The following AFF3 variants were observed in gnomAD, a reference collection of about 807,000 sequenced individuals.
AFF3 encodes the protein ALF transcription elongation factor 3.
A neutral mutation model predicts 129.7 loss-of-function variants in AFF3; 32 were observed. The ratio of observed to expected loss-of-function variants is 0.25; its 90% CI spans 0.19 to 0.33. The LOEUF (loss-of-function observed/expected upper bound fraction) is 0.33, where lower values mean the gene tolerates loss of function less well. Among genes scored for constraint, AFF3 ranks in the 10% least tolerant of loss-of-function variants. The probability of loss-of-function intolerance (pLI) is 1.00; values close to 1 mark genes in which losing one functional copy is unlikely to be tolerated. For missense variants in AFF3, 1,373 were observed against 1,592.0 expected, an observed-to-expected ratio of 0.86 and a Z score of 2.34; for synonymous variants, 644 against 635.4, an observed-to-expected ratio of 1.01 and a Z score of -0.20.
intron 8 of AFF3, among the ~76,000 whole-genome samples, chr2:99,799,059 A>G (rs1342286452): frequency 6.6e-6 from 1 of 152,098 alleles, no homozygotes; most frequent in Non-Finnish European, 1.5e-5. Flanking sequence ...TAAATTACAT[A>G]TCTATATGCC....
At chr2:99,876,322 A>G (rs1475371514) in intron 7 of AFF3, among the ~76,000 whole-genome samples, 1 of 152,160 alleles carries the variant, frequency 6.6e-6, no homozygotes, top group East Asian at 1.9e-4. Flanking sequence ...AAATGTCTCA[A>G]GCTGAACTCT....
At chr2:99,645,191 C>T (rs557357342) in intron 13 of AFF3, among the ~76,000 whole-genome samples, 2 of 152,176 alleles carry the variant, frequency 1.3e-5, no homozygotes, top group South Asian at 4.2e-4. Flanking sequence ...AAAGATTAGC[C>T]AGGCATGGTG....
chr2:99,811,743 C>A (rs577295871), intron 8 of AFF3, among the ~76,000 whole-genome samples: 1 of 152,378 alleles, frequency 6.6e-6, no homozygotes, highest in Non-Finnish European at 1.5e-5. Flanking sequence ...AGAATTTCTA[C>A]AGGTTGAGTC....
chr2:99,958,212 C>T (rs1676847649), intron 7 of AFF3, among the ~76,000 whole-genome samples: 1 of 152,178 alleles, frequency 6.6e-6, no homozygotes, highest in East Asian at 1.9e-4. Flanking sequence ...GGGATACAGG[C>T]AGGGCAACAG....
At chr2:99,627,238 GT>G (rs892643510) in intron 13 of AFF3, among the ~76,000 whole-genome samples, 7 of 149,842 alleles carry the variant, frequency 4.7e-5, no homozygotes, top group African/African-American at 9.8e-5. Context: ...GCTAACATCT[GT>G]TTTTTTTTGA....
At chr2:100,028,815 GA>G (rs1393133472) in intron 4 of AFF3, among the ~76,000 whole-genome samples, 1 of 152,184 alleles carries the variant, frequency 6.6e-6, no homozygotes, top group African/African-American at 2.4e-5. Context: ...ACTGCTGATG[GA>G]AATACAAAGT....
At chr2:99,575,672 G>A (rs1279102652) in intron 18 of AFF3, among the ~76,000 whole-genome samples, 5 of 152,100 alleles carry the variant, frequency 3.3e-5, no homozygotes, top group Non-Finnish European at 5.9e-5. Flanking sequence ...AAATCAGTTG[G>A]GACATATGGC....
chr2:99,873,913 G>A (rs1692071461), intron 7 of AFF3, among the ~76,000 whole-genome samples: 1 of 152,060 alleles, frequency 6.6e-6, no homozygotes, highest in Non-Finnish European at 1.5e-5. Context: ...GGTGGCTCAC[G>A]CCTGTAATCT....
intron 7 of AFF3, among the ~76,000 whole-genome samples, chr2:99,996,194 C>T (rs1211721762): frequency 1.3e-5 from 2 of 152,014 alleles, no homozygotes; most frequent in Admixed American, 6.6e-5. Context: ...TGAATGTTAC[C>T]AAAAACTGTA....
chr2:99,651,570 T>C (rs1685260169), intron 12 of AFF3, among the ~76,000 whole-genome samples: 1 of 152,074 alleles, frequency 6.6e-6, no homozygotes, highest in African/African-American at 2.4e-5. Context: ...GCCTCCCAAG[T>C]AGCTGAGATT....
chr2:100,005,056 GT>G (rs1452314848), intron 7 of AFF3, among the ~76,000 whole-genome samples: 1 of 152,096 alleles, frequency 6.6e-6, no homozygotes, highest in Non-Finnish European at 1.5e-5. Flanking sequence ...TTCTCTCAGC[GT>G]GAGTCTCTGT....
chr2:100,136,383 G>A (rs1476554713), intron 1 of AFF3, among the ~76,000 whole-genome samples: 5 of 152,126 alleles, frequency 3.3e-5, no homozygotes, highest in Non-Finnish European at 5.9e-5. Context: ...TAGGAAGAGA[G>A]GAAGAGAATG....
chr2:99,649,373 T>C (rs1685020124), intron 13 of AFF3, among the ~76,000 whole-genome samples: 1 of 152,198 alleles, frequency 6.6e-6, no homozygotes, highest in Non-Finnish European at 1.5e-5. Flanking sequence ...ACTCAGGCCT[T>C]TCTCTCTAAG....
chr2:100,122,063 C>T (rs909060351), intron 2 of AFF3, among the ~76,000 whole-genome samples: 14 of 151,904 alleles, frequency 9.2e-5, no homozygotes, highest in South Asian at 2.1e-4. Flanking sequence ...AGCGAGACTC[C>T]GTCTCAAAAA....
intron 18 of AFF3, chr2:99,572,759 TA>T: frequency 2.4e-6 from 1 of 416,486 alleles, no homozygotes; most frequent in Non-Finnish European, 4.8e-6. Context: ...TTATTTTTAA[TA>T]CACAGAGTCA....
chr2:99,834,151 T>G (rs1215528811), intron 8 of AFF3, among the ~76,000 whole-genome samples: 1 of 152,148 alleles, frequency 6.6e-6, no homozygotes, highest in Non-Finnish European at 1.5e-5. Context: ...CACAATGAAT[T>G]GCCTGACTGG....
chr2:99,936,237 C>G (rs1674514731), intron 7 of AFF3, among the ~76,000 whole-genome samples: 1 of 152,152 alleles, frequency 6.6e-6, no homozygotes, highest in Non-Finnish European at 1.5e-5. Context: ...CACACAGTCT[C>G]AGCTAATCCC....
intron 8 of AFF3, among the ~76,000 whole-genome samples, chr2:99,814,644 T>C (rs1687071477): frequency 6.6e-6 from 1 of 152,042 alleles, no homozygotes; most frequent in African/African-American, 2.4e-5. Context: ...TACCACTCTT[T>C]TATCACACTA....
intron 22 of AFF3, among the ~76,000 whole-genome samples, chr2:99,555,414 AAGT>A (rs1234991930): frequency 1.3e-5 from 2 of 152,214 alleles, no homozygotes; most frequent in Non-Finnish European, 2.9e-5. Context: ...TTTCTTCTTA[AAGT>A]AAGTTGCTGT....
Sources: gnomAD v4.1 joint callset for allele counts (sites outside exome capture counted in the v4.1 genomes callset) on GRCh38, gnomAD v4.1.1 for gene constraint, MANE v1.5 for transcripts, NCBI Gene and HGNC (gene_info 2026-07-23, HGNC 2026-07-21) for gene names.